The following PPARD variants were observed in gnomAD, a reference collection of about 807,000 sequenced individuals.
PPARD encodes the protein peroxisome proliferator-activated receptor delta.
Under a neutral mutation model 39.5 loss-of-function variants are expected in PPARD, and 6 were observed. The observed-to-expected ratio is 0.15, with a 90% CI of 0.08 to 0.30. PPARD has a LOEUF of 0.30. Among genes scored for constraint, PPARD ranks in the 10% least tolerant of loss-of-function variants. The pLI, the probability that PPARD is intolerant of heterozygous loss-of-function variation, is 1.00. For missense variants in PPARD, 397 were observed against 596.8 expected (o/e 0.67, Z 3.49); for synonymous variants, 210 against 231.3 (o/e 0.91, Z 0.83).
chr6:35,388,923 C>G (rs1183609948), intron 2 of PPARD, among the ~76,000 whole-genome samples: 1 of 152,198 alleles, frequency 6.6e-6, no homozygotes, highest in African/African-American at 2.4e-5. Context: ...GCAGCAGGAA[C>G]CTCTCAGTGC....
chr6:35,415,843 G>C (rs1188222787), intron 3 of PPARD, among the ~76,000 whole-genome samples: 1 of 145,244 alleles, frequency 6.9e-6, no homozygotes, highest in Non-Finnish European at 1.5e-5. Context: ...GGTTCACACA[G>C]TTGTTGGAGT....
At position 35,418,757 on chromosome 6, in the gene PPARD, A is replaced by G. The variant is rs117337122; in HGVS notation, c.131-1370A>G. Reference sequence around the variant, plus strand: ...TTGGGAGCTAAGGTGCCAGGACAAGACAGGCCATTTTAGGAACCAGAGACT... The same window carrying G: ...TTGGGAGCTAAGGTGCCAGGACAAGGCAGGCCATTTTAGGAACCAGAGACT... On this transcript the variant is annotated intron_variant, in intron 3 of 7. Transcript: ENST00000360694. Among the ~76,000 whole-genome samples the G allele has an allele frequency of 2.0e-5, 3 of 152,244 alleles. No individual in the cohort carries two copies. The East Asian group carries it at 5.8e-4, about 29-fold the overall frequency.
chr6:35,425,106 CTACTAAAAATACAAAAAAT>C lies in PPARD; in HGVS notation c.1078+330_1078+348del. On this transcript the variant is annotated intron_variant, in intron 7 of 7. Transcript: ENST00000360694. The surrounding 1 kb of genome is among the most constrained non-coding windows in gnomAD (Gnocchi z 4.5). Reference sequence around the variant, plus strand: ...TGGCCAACATGGTGAAACCCCGTCTCTACTAAAAATACAAAAAATTAGCCAGATGTGGTGGCACGCGCCT... The same window carrying C: ...TGGCCAACATGGTGAAACCCCGTCTCTAGCCAGATGTGGTGGCACGCGCCT... 1.1e-6 allele frequency: 1 copy of C among 892,822 alleles called. No individual in the cohort carries two copies. Among genetic ancestry groups the C allele is most frequent in the Non-Finnish European group, 1.4e-6 (1 of 710,446 alleles). 55.3% of individuals were successfully genotyped at this position (892,822 alleles called of 1,614,324 possible).
rs1766566155 is a variant in PPARD, at chr6:35,426,207, A to T, written c.*128A>T. 4.5e-6 allele frequency: 6 copies of T among 1,320,004 alleles called. No homozygotes were observed. The highest frequency in any genetic ancestry group is 5.1e-6 in the Non-Finnish European group (5 of 980,784). 81.8% of individuals were successfully genotyped at this position (1,320,004 alleles called of 1,614,324 possible). ...GCAGCAGAGTCCCACGATCGCCCTC[A>T]GACACATGACACCCACGGCCTCTGG... On this transcript the variant is annotated 3_prime_UTR_variant, in exon 8 of 8. Transcript: ENST00000360694.
chr6:35,385,649 A>T (rs1188474841), intron 2 of PPARD, among the ~76,000 whole-genome samples: 1 of 108,464 alleles, frequency 9.2e-6, no homozygotes, highest in Non-Finnish European at 1.8e-5. Context: ...ATAAATTTAA[A>T]AAAAAAAAAA....
intron 2 of PPARD, among the ~76,000 whole-genome samples, chr6:35,367,523 T>C (rs1762271614): frequency 6.6e-6 from 1 of 152,174 alleles, no homozygotes; most frequent in South Asian, 2.1e-4. Flanking sequence ...GAAAAATCCA[T>C]TTGCTCAAGG....
chr6:35,377,466 T>A (rs1279993701), intron 2 of PPARD, among the ~76,000 whole-genome samples: 1 of 152,242 alleles, frequency 6.6e-6, no homozygotes, highest in East Asian at 1.9e-4. Context: ...AACTTAGCTC[T>A]TAAATTTTAC....
chr6:35,360,593 T>C (rs1761876331), intron 2 of PPARD, among the ~76,000 whole-genome samples: 2 of 152,200 alleles, frequency 1.3e-5, no homozygotes, highest in Non-Finnish European at 2.9e-5. Context: ...CACCTCAGCA[T>C]GGGCTCTCCA....
At chr6:35,394,269 C>G (rs970431596) in intron 2 of PPARD, among the ~76,000 whole-genome samples, 1 of 152,204 alleles carries the variant, frequency 6.6e-6, no homozygotes, top group Non-Finnish European at 1.5e-5. Context: ...CTGTATGTCA[C>G]GGCCATCCTG....
intron 2 of PPARD, among the ~76,000 whole-genome samples, chr6:35,372,070 C>T (rs1762508790): frequency 6.6e-6 from 1 of 152,218 alleles, no homozygotes; most frequent in South Asian, 2.1e-4. Context: ...CAGATTGTAA[C>T]CTTTCTGGGC....
intron 2 of PPARD, among the ~76,000 whole-genome samples, chr6:35,378,008 C>T (rs996072318): frequency 5.5e-4 from 83 of 151,976 alleles, no homozygotes; most frequent in African/African-American, 2.0e-3. Flanking sequence ...GGACTACAGG[C>T]GTGCACCACC....
chr6:35,405,508 G>C (rs996261505), intron 2 of PPARD, among the ~76,000 whole-genome samples: 20 of 151,762 alleles, frequency 1.3e-4, no homozygotes, highest in African/African-American at 4.8e-4. Context: ...AGGGCTTCTG[G>C]CTCTGGCATA....
intron 2 of PPARD, among the ~76,000 whole-genome samples, chr6:35,349,950 C>T (rs1210574983): frequency 1.3e-5 from 2 of 152,062 alleles, no homozygotes; most frequent in African/African-American, 2.4e-5. Context: ...TCATGTTGGC[C>T]AGGCTGGTCT....
At chr6:35,395,124 A>G (rs1764242891) in intron 2 of PPARD, among the ~76,000 whole-genome samples, 1 of 152,192 alleles carries the variant, frequency 6.6e-6, no homozygotes. Context: ...TGGATTTCAG[A>G]TGCATTGAAC....
At chr6:35,405,220 G>C (rs771740213) in intron 2 of PPARD, among the ~76,000 whole-genome samples, 12 of 151,836 alleles carry the variant, frequency 7.9e-5, no homozygotes, top group Non-Finnish European at 1.2e-4. Flanking sequence ...ACCACACCCG[G>C]ATAACCAGGG....
At chr6:35,414,456 G>T (rs1364787528) in intron 3 of PPARD, among the ~76,000 whole-genome samples, 1 of 152,092 alleles carries the variant, frequency 6.6e-6, no homozygotes, top group African/African-American at 2.4e-5. Flanking sequence ...TTTAAAAGGG[G>T]GGTGAGGATC....
intron 2 of PPARD, among the ~76,000 whole-genome samples, chr6:35,354,627 T>G (rs572442909): frequency 6.6e-6 from 1 of 152,304 alleles, no homozygotes; most frequent in East Asian, 1.9e-4. Flanking sequence ...TTTTTTCACT[T>G]TCAGTACAGT....
chr6:35,358,185 C>CA (rs1761729776), intron 2 of PPARD, among the ~76,000 whole-genome samples: 1 of 152,144 alleles, frequency 6.6e-6, no homozygotes, highest in South Asian at 2.1e-4. Flanking sequence ...AGATTGGACA[C>CA]AGGAGAAGGA....
chr6:35,397,452 C>T, intron 2 of PPARD: 1 of 834,780 alleles, frequency 1.2e-6, no homozygotes, highest in Non-Finnish European at 1.4e-6. Context: ...CTCTCCACCA[C>T]ATTTCTACCA....
Sources: allele counts gnomAD v4.1 joint callset (sites outside exome capture counted in the v4.1 genomes callset), GRCh38; gene constraint gnomAD v4.1.1; non-coding constraint Gnocchi (gnomAD v3.1); transcripts MANE v1.5; gene names NCBI Gene and HGNC (gene_info 2026-07-23, HGNC 2026-07-21).